The following SLC25A13 variants were observed in gnomAD, a reference collection of about 807,000 sequenced individuals.
The protein encoded by SLC25A13 is solute carrier family 25 member 13.
A neutral mutation model predicts 85.5 loss-of-function variants in SLC25A13; 70 were observed. The ratio of observed to expected loss-of-function variants is 0.82; its 90% CI spans 0.68 to 1.00. SLC25A13 has a LOEUF of 1.00. Ranked by LOEUF, SLC25A13 falls within the 50% of genes least tolerant of loss-of-function variation. SLC25A13 has a pLI of 0.00. For synonymous variants in SLC25A13, 259 were observed against 288.7 expected (o/e 0.90, Z 1.04); for missense variants, 765 against 819.8 (o/e 0.93, Z 0.82).
At chr7:96,291,616 A>T in intron 2 of SLC25A13, among the ~76,000 whole-genome samples, 1 of 152,200 alleles carries the variant, frequency 6.6e-6, no homozygotes, top group East Asian at 1.9e-4. Context: ...ATCCCACAGA[A>T]ATAAAAACTA....
At chr7:96,172,532 C>T (rs911580007) in intron 11 of SLC25A13, among the ~76,000 whole-genome samples, 48 of 151,188 alleles carry the variant, frequency 3.2e-4, no homozygotes, top group African/African-American at 1.1e-3. Context: ...CACTCCAGCC[C>T]GGCAATGGAG....
At chr7:96,319,309 G>A (rs1326476655) in intron 1 of SLC25A13, among the ~76,000 whole-genome samples, 1 of 152,116 alleles carries the variant, frequency 6.6e-6, no homozygotes, top group Admixed American at 6.5e-5. Context: ...TGCATTTTGG[G>A]AGGTTAAGGC....
At chr7:96,181,340 C>G (rs970001106) in intron 11 of SLC25A13, among the ~76,000 whole-genome samples, 2 of 152,238 alleles carry the variant, frequency 1.3e-5, no homozygotes, top group African/African-American at 4.8e-5. Flanking sequence ...GCTAGGCACT[C>G]TCTCATGACT....
Position 96,244,791 on chromosome 7 carries a change from G to C in SLC25A13, c.213-9874C>G, listed in dbSNP as rs552624791. 9.2e-5 allele frequency among the ~76,000 whole-genome samples: 14 copies of C among 152,264 alleles called. No individual in the cohort carries two copies. The East Asian group carries it at 2.5e-3, about 27-fold the overall frequency. On this transcript the variant is annotated intron_variant, in intron 3 of 17. Transcript: ENST00000265631. ...GCCAAGGGCCTATTTAAATTCATTG[G>C]CTCCAGTGAAATCTGGCAGATTGAA...
intron 13 of SLC25A13, among the ~76,000 whole-genome samples, chr7:96,149,843 G>T (rs1434843512): frequency 6.6e-6 from 1 of 152,194 alleles, no homozygotes; most frequent in Non-Finnish European, 1.5e-5. Flanking sequence ...CATACCCATG[G>T]TTCCTCTTTT....
In SLC25A13 at chr7:96,207,239, C is replaced by G. The variant is rs546640567; in HGVS notation, c.468+1599G>C. ...GCCTGGAAAATAAAAGCAAACTAGA[C>G]AGCAGGACAAATTATATGAATCATA... On this transcript the variant is annotated intron_variant, in intron 5 of 17. Transcript: ENST00000265631. Among the ~76,000 whole-genome samples the G allele has an allele frequency of 5.9e-5, 9 of 152,282 alleles. No individual in the cohort carries two copies. The South Asian group carries it at 1.9e-3, about 32-fold the overall frequency.
chr7:96,173,135 G>C (rs1470648653), intron 11 of SLC25A13, among the ~76,000 whole-genome samples: 2 of 152,152 alleles, frequency 1.3e-5, no homozygotes, highest in Non-Finnish European at 1.5e-5. Context: ...CCTTATAAAG[G>C]GGGAAAACTA....
At chr7:96,270,295 C>T (rs1798187754) in intron 3 of SLC25A13, among the ~76,000 whole-genome samples, 2 of 152,166 alleles carry the variant, frequency 1.3e-5, no homozygotes, top group Admixed American at 6.5e-5. Flanking sequence ...GTGGCTCACA[C>T]CTATAATCCC....
chr7:96,139,842 C>T (rs1388396643), intron 14 of SLC25A13, among the ~76,000 whole-genome samples: 3 of 151,450 alleles, frequency 2.0e-5, no homozygotes, highest in Non-Finnish European at 4.4e-5. Context: ...TTTCTTTATG[C>T]ATTCCTTTGT....
chr7:96,125,799 G>A (rs1791702115), intron 15 of SLC25A13, among the ~76,000 whole-genome samples: 1 of 149,282 alleles, frequency 6.7e-6, no homozygotes, highest in South Asian at 2.1e-4. Flanking sequence ...TCTAAATTTG[G>A]TCTTTGATCA....
In SLC25A13 at chr7:96,277,376, G is replaced by C. The variant is rs763248230; in HGVS notation, c.70-38C>G. ...AAGAAAAACAGTATTTTATATATTT[G>C]ATTTTCAACAGTATATAATCATGAG... On this transcript the variant is annotated intron_variant, in intron 2 of 17. Transcript: ENST00000265631. The C allele has an allele frequency of 5.8e-6, 9 of 1,563,538 alleles. No individual in the cohort carries two copies. In the South Asian group the frequency reaches 9.2e-5, roughly 16 times the overall value.
At chr7:96,302,259 A>C (rs969878601) in intron 1 of SLC25A13, among the ~76,000 whole-genome samples, 1 of 152,178 alleles carries the variant, frequency 6.6e-6, no homozygotes, top group East Asian at 1.9e-4. Context: ...AGAAGAATAC[A>C]AAAGTCATCT....
At chr7:96,132,848 G>A (rs1441024643) in intron 14 of SLC25A13, among the ~76,000 whole-genome samples, 1 of 152,202 alleles carries the variant, frequency 6.6e-6, no homozygotes, top group Non-Finnish European at 1.5e-5. Flanking sequence ...TTGAGGCCTA[G>A]TAATGCTGGA....
At chr7:96,122,075 C>A (rs552615921) in intron 15 of SLC25A13, 78 bp from the exon 16 acceptor site, 10 of 1,582,546 alleles carry the variant, frequency 6.3e-6, no homozygotes, top group African/African-American at 1.3e-5. Flanking sequence ...GAACTGCTGG[C>A]CGTGGAAAGA....
In SLC25A13 at chr7:96,137,938, T is replaced by C. The variant is rs115756259; in HGVS notation, c.1453-6057A>G. Among the ~76,000 whole-genome samples, 1,450 of 152,290 alleles carry C rather than the reference T, an allele frequency of 9.5e-3. 22 individuals carry two copies. Among genetic ancestry groups the C allele is most frequent in the African/African-American group, 0.032 (1,313 of 41,562 alleles). On this transcript the variant is annotated intron_variant, in intron 14 of 17. Coordinates refer to ENST00000265631, the MANE Select transcript of SLC25A13 (RefSeq NM_014251.3). ...CGAATCATTCATTGTACAATTAAAC[T>C]CCCTTACTTTGGCTGAAGTTTTACT...
intron 14 of SLC25A13, among the ~76,000 whole-genome samples, chr7:96,139,563 A>T (rs1407416577): frequency 1.3e-5 from 2 of 152,206 alleles, no homozygotes; most frequent in African/African-American, 4.8e-5. Flanking sequence ...TAAATGAGAG[A>T]ATAAAAGTCC....
At chr7:96,134,682 T>C (rs1792187710) in intron 14 of SLC25A13, among the ~76,000 whole-genome samples, 1 of 151,556 alleles carries the variant, frequency 6.6e-6, no homozygotes, top group Non-Finnish European at 1.5e-5. Context: ...GTATCCCTGT[T>C]ACAATGGCAT....
chr7:96,276,550 G>C (rs917193245), intron 3 of SLC25A13, among the ~76,000 whole-genome samples: 2 of 152,128 alleles, frequency 1.3e-5, no homozygotes, highest in African/African-American at 4.8e-5. Context: ...TTGTACCTGG[G>C]AGACAGAAGT....
chr7:96,287,549 C>T (rs546569437), intron 2 of SLC25A13, among the ~76,000 whole-genome samples: 17 of 152,322 alleles, frequency 1.1e-4, no homozygotes, highest in Middle Eastern at 3.4e-3. Flanking sequence ...GACTCTCCCC[C>T]AGTATAGTCC....
Sources: gnomAD v4.1 joint callset for allele counts (sites outside exome capture counted in the v4.1 genomes callset) on GRCh38, gnomAD v4.1.1 for gene constraint, MANE v1.5 for transcripts, NCBI Gene and HGNC (gene_info 2026-07-23, HGNC 2026-07-21) for gene names.